The following HSD17B3 variants were observed in gnomAD, a reference collection of about 807,000 sequenced individuals.
HSD17B3 encodes the protein hydroxysteroid 17-beta dehydrogenase 3.
In HSD17B3, 29 loss-of-function variants were observed where a neutral mutation model predicts 41.1. That is an observed-to-expected ratio of 0.71 (90% CI 0.53 to 0.96). The LOEUF (loss-of-function observed/expected upper bound fraction) is 0.96, where lower values mean the gene tolerates loss of function less well. HSD17B3 is among the 40% of genes least tolerant of loss of function. The pLI is 0.00. For missense variants in HSD17B3, 323 were observed against 374.6 expected (o/e 0.86, Z 1.14); for synonymous variants, 126 against 145.6 (o/e 0.87, Z 0.97).
intron 2 of HSD17B3, among the ~76,000 whole-genome samples, chr9:96,288,918 C>T (rs1175098129): frequency 7.0e-6 from 1 of 143,828 alleles, no homozygotes; most frequent in African/African-American, 2.6e-5. Flanking sequence ...GCCTGGGTGA[C>T]TGAGCAAGAC....
At chr9:96,248,849 C>A (rs1836777026) in intron 6 of HSD17B3, among the ~76,000 whole-genome samples, 1 of 152,092 alleles carries the variant, frequency 6.6e-6, no homozygotes, top group Non-Finnish European at 1.5e-5. Flanking sequence ...GTGCAGCTGA[C>A]CCTCACCAAA....
intron 4 of HSD17B3, 26 bp downstream of exon 4, chr9:96,252,777 A>G (rs1192642267): frequency 8.5e-7 from 1 of 1,179,066 alleles, no homozygotes; most frequent in Non-Finnish European, 1.3e-6. Flanking sequence ...TATGACAACA[A>G]GCTTTGCATC....
At chr9:96,249,662 T>A (rs1355336595) in intron 6 of HSD17B3, 89 bp downstream of exon 6, 8 of 1,177,640 alleles carry the variant, frequency 6.8e-6, no homozygotes, top group Non-Finnish European at 1.0e-5. Context: ...AGAATCCTGC[T>A]TCTACAGTGG....
At chr9:96,269,372 G>A (rs1826154419) in intron 2 of HSD17B3, among the ~76,000 whole-genome samples, 1 of 152,202 alleles carries the variant, frequency 6.6e-6, no homozygotes, top group East Asian at 1.9e-4. Context: ...GTTCCTGGGT[G>A]TGTTCTCTAC....
intron 2 of HSD17B3, among the ~76,000 whole-genome samples, chr9:96,260,522 G>A (rs772988086): frequency 6.6e-6 from 1 of 152,056 alleles, no homozygotes; most frequent in Non-Finnish European, 1.5e-5. Flanking sequence ...ATAATAACCC[G>A]TTCCCAAAAC....
chr9:96,266,117 A>T (rs916098022), intron 2 of HSD17B3, among the ~76,000 whole-genome samples: 8 of 152,248 alleles, frequency 5.3e-5, no homozygotes, highest in African/African-American at 1.9e-4. Context: ...AAGATTTAAA[A>T]TATAGAAAAA....
chr9:96,263,846 T>A (rs1218192942), intron 2 of HSD17B3, among the ~76,000 whole-genome samples: 1 of 152,162 alleles, frequency 6.6e-6, no homozygotes, highest in East Asian at 1.9e-4. Flanking sequence ...CTTTTTTGTA[T>A]CCTTTGATGG....
At chr9:96,277,065 G>A (rs902907552) in intron 2 of HSD17B3, among the ~76,000 whole-genome samples, 20 of 152,098 alleles carry the variant, frequency 1.3e-4, no homozygotes, top group African/African-American at 4.8e-4. Flanking sequence ...GCTGGGCGTG[G>A]TGGCAGGCGC....
At chr9:96,281,915 T>G (rs994498959) in intron 2 of HSD17B3, among the ~76,000 whole-genome samples, 8 of 152,162 alleles carry the variant, frequency 5.3e-5, no homozygotes, top group African/African-American at 1.9e-4. Context: ...ACTGGTTAAA[T>G]GGTAAAAATC....
chr9:96,279,220 T>C (rs1826590849), intron 2 of HSD17B3, among the ~76,000 whole-genome samples: 1 of 152,182 alleles, frequency 6.6e-6, no homozygotes, highest in African/African-American at 2.4e-5. Flanking sequence ...CCTCAGGAGG[T>C]CCTGCGAACA....
intron 2 of HSD17B3, among the ~76,000 whole-genome samples, chr9:96,260,763 C>CAATA (rs1028029610): frequency 6.6e-5 from 10 of 151,992 alleles, no homozygotes; most frequent in Admixed American, 2.6e-4. Flanking sequence ...GACTCTATCT[C>CAATA]AATAAATAAA....
In HSD17B3 at chr9:96,249,553, GA is replaced by G. The variant is rs1196172205; in HGVS notation, c.489+197del. On this transcript the variant is annotated intron_variant, in intron 6 of 10. Transcript: ENST00000375263. The stretch of plus-strand genomic sequence containing the variant: ...GCAGAAATAGAATTCAGATACAAGG[GA>G]GAGTTGAATCCATTACTGTATTTTC... 1.5e-5 allele frequency: 9 copies of G among 618,626 alleles called. 1 individual carries two copies. In the East Asian group the frequency reaches 2.5e-4, roughly 17 times the overall value. 38.3% of individuals were successfully genotyped at this position (618,626 alleles called of 1,614,324 possible). A position where few individuals can be genotyped will look rare whatever the true frequency, so the allele number is the denominator to read the frequency against.
chr9:96,247,752 A>G (rs560667042), intron 6 of HSD17B3, among the ~76,000 whole-genome samples: 5 of 152,312 alleles, frequency 3.3e-5, no homozygotes, highest in Admixed American at 2.6e-4. Context: ...AATGATCCCA[A>G]TGAGAGAGAC....
In HSD17B3 at chr9:96,250,420, G is replaced by A. The variant is rs548049810; in HGVS notation, c.454-634C>T. 77 of 1,067,352 alleles carry A rather than the reference G, an allele frequency of 7.2e-5. No homozygotes were observed. The African/African-American group carries it at 1.1e-3, about 16-fold the overall frequency. 66.1% of individuals were successfully genotyped at this position (1,067,352 alleles called of 1,614,324 possible). On this transcript the variant is annotated intron_variant, in intron 5 of 10. Coordinates refer to ENST00000375263, the MANE Select transcript of HSD17B3 (RefSeq NM_000197.2). ...GAGTTTGGTGAGGATGTGCAGCAGC[G>A]CCCAAGCAGTCTGGCATTATCACCC... is the stretch of plus-strand genomic sequence containing the variant.
chr9:96,268,216 G>A (rs867596360), intron 2 of HSD17B3, among the ~76,000 whole-genome samples: 2 of 151,976 alleles, frequency 1.3e-5, no homozygotes, highest in African/African-American at 2.4e-5. Context: ...TGAGTCACGC[G>A]CCTGGCCTCT....
At chr9:96,281,351 G>A (rs1487331234) in intron 2 of HSD17B3, among the ~76,000 whole-genome samples, 1 of 152,146 alleles carries the variant, frequency 6.6e-6, no homozygotes, top group Non-Finnish European at 1.5e-5. Flanking sequence ...CTTTGGGTAA[G>A]TGGGGCGCAT....
chr9:96,291,786 G>A (rs532754600), intron 2 of HSD17B3, among the ~76,000 whole-genome samples: 5 of 152,098 alleles, frequency 3.3e-5, no homozygotes, highest in East Asian at 1.9e-4. Flanking sequence ...GTGAAACCCC[G>A]TCTCTATTAA....
At chr9:96,284,927 C>T (rs909763125) in intron 2 of HSD17B3, among the ~76,000 whole-genome samples, 1 of 151,880 alleles carries the variant, frequency 6.6e-6, no homozygotes, top group African/African-American at 2.4e-5. Context: ...CAACCTCTAC[C>T]TCCTCAGTTC....
At chr9:96,281,251 C>A (rs1826679808) in intron 2 of HSD17B3, among the ~76,000 whole-genome samples, 1 of 152,092 alleles carries the variant, frequency 6.6e-6, no homozygotes, top group Non-Finnish European at 1.5e-5. Context: ...ACATCTTTCT[C>A]ACTAACCCTG....
Sources: allele counts gnomAD v4.1 joint callset (sites outside exome capture counted in the v4.1 genomes callset), GRCh38; gene constraint gnomAD v4.1.1; transcripts MANE v1.5; gene names NCBI Gene and HGNC (gene_info 2026-07-23, HGNC 2026-07-21).